The following AHR variants were observed in gnomAD, a reference collection of about 807,000 sequenced individuals.
AHR encodes the protein aryl hydrocarbon receptor.
AHR carries 40 observed loss-of-function variants against 86.8 expected under a neutral mutation model. The ratio of observed to expected loss-of-function variants is 0.46; its 90% CI spans 0.36 to 0.60. The LOEUF (loss-of-function observed/expected upper bound fraction) is 0.60, where lower values mean the gene tolerates loss of function less well. AHR is among the 20% of genes least tolerant of loss of function. AHR has a pLI of 0.00. For synonymous variants in AHR, 398 were observed against 354.9 expected (o/e 1.12, Z -1.37); for missense variants, 1,001 against 1,011.6 (o/e 0.99, Z 0.14).
At chr7:17,337,561 G>A (rs1262137367) in intron 9 of AHR, among the ~76,000 whole-genome samples, 8 of 146,698 alleles carry the variant, frequency 5.5e-5, no homozygotes, top group African/African-American at 1.0e-4. Context: ...TGCAAGCTCC[G>A]CCACCCGGGT....
chr7:17,319,246 A>G (rs776999363), intron 2 of AHR, among the ~76,000 whole-genome samples: 5 of 152,114 alleles, frequency 3.3e-5, no homozygotes, highest in Admixed American at 1.3e-4. Flanking sequence ...CTTGATTGTC[A>G]GTGATTGATT....
intron 1 of AHR, among the ~76,000 whole-genome samples, chr7:17,308,334 C>A (rs970741022): frequency 6.6e-6 from 1 of 152,132 alleles, no homozygotes; most frequent in African/African-American, 2.4e-5. Context: ...ATCTCAGATA[C>A]CACCTTTTCT....
At chr7:17,316,686 C>G (rs1240699543) in intron 2 of AHR, among the ~76,000 whole-genome samples, 1 of 152,086 alleles carries the variant, frequency 6.6e-6, no homozygotes, top group African/African-American at 2.4e-5. Context: ...CTACTGAATT[C>G]TTCATGTATT....
At chr7:17,303,135 C>T (rs944903703) in intron 1 of AHR, among the ~76,000 whole-genome samples, 2 of 152,048 alleles carry the variant, frequency 1.3e-5, no homozygotes, top group Non-Finnish European at 2.9e-5. Flanking sequence ...CTTAATATGA[C>T]AAAAGATGAC....
At chr7:17,338,068 G>A (rs1449384827) in intron 9 of AHR, among the ~76,000 whole-genome samples, 3 of 151,122 alleles carry the variant, frequency 2.0e-5, no homozygotes, top group Admixed American at 6.6e-5. Flanking sequence ...GCGTTGTAGC[G>A]GGCGCCTGTA....
At chr7:17,300,650 AC>A (rs1781946107) in intron 1 of AHR, among the ~76,000 whole-genome samples, 1 of 152,182 alleles carries the variant, frequency 6.6e-6, no homozygotes, top group South Asian at 2.1e-4. Context: ...GCAGTTTTCT[AC>A]CTTGGCAGTT....
intron 9 of AHR, among the ~76,000 whole-genome samples, chr7:17,338,176 G>A (rs1401424546): frequency 6.7e-6 from 1 of 148,906 alleles, no homozygotes; most frequent in Non-Finnish European, 1.5e-5. Context: ...TCCAGCCTGG[G>A]CGACAGAGCG....
At chr7:17,325,240 A>G (rs796872179) in intron 3 of AHR, among the ~76,000 whole-genome samples, 28 of 152,310 alleles carry the variant, frequency 1.8e-4, no homozygotes, top group African/African-American at 6.7e-4. Context: ...ATGTGCATCT[A>G]TCGTTTCTAG....
At chr7:17,329,854 C>A in intron 4 of AHR, 98 bp from the exon 5 acceptor site, 1 of 1,079,350 alleles carries the variant, frequency 9.3e-7, no homozygotes, top group Non-Finnish European at 1.3e-6. Flanking sequence ...TTCATCACCA[C>A]TAGCAAGCAC....
chr7:17,330,821 C>G lies in AHR; in HGVS notation c.640C>G (p.Pro214Ala), dbSNP rs149809382. ...AGACCAGATTCCTCCAGAAAACTCT[C>G]CTTTAATGGAGAGGTGCTTCATATG... ...NPDQIPPENS[P>A]LMERCFICRL... Residue 214 changes from proline to alanine, a missense_variant, in exon 6 of 11, where the codon CCT becomes GCT. Around this residue, in one of 2 missense-constraint regions of AHR, gnomAD observed 394 missense variants for 468.5 expected, o/e 0.84. Coordinates refer to ENST00000242057, the MANE Select transcript of AHR (RefSeq NM_001621.5). 92 of 1,612,446 alleles carry G rather than the reference C, an allele frequency of 5.7e-5. No individual in the cohort carries two copies. In the African/African-American group the frequency reaches 1.2e-3, roughly 21 times the overall value.
intron 2 of AHR, among the ~76,000 whole-genome samples, chr7:17,313,897 C>T (rs1782090904): frequency 6.6e-6 from 1 of 151,984 alleles, no homozygotes; most frequent in African/African-American, 2.4e-5. Context: ...ATTGTTTCCT[C>T]CTATATCATG....
intron 2 of AHR, among the ~76,000 whole-genome samples, chr7:17,319,705 A>C (rs1413397225): frequency 6.6e-6 from 1 of 152,088 alleles, no homozygotes; most frequent in Non-Finnish European, 1.5e-5. Context: ...AGCACAAGCA[A>C]TATATACATG....
intron 9 of AHR, among the ~76,000 whole-genome samples, chr7:17,337,486 T>TG (rs1052449479): frequency 1.3e-5 from 2 of 150,166 alleles, no homozygotes; most frequent in African/African-American, 4.9e-5. Context: ...GTTTTTTTTT[T>TG]TTTTTTGAGA....
chr7:17,299,471 G>A lies in AHR; in HGVS notation c.65+142G>A, dbSNP rs183684394. The A allele has an allele frequency of 6.9e-5, 64 of 929,764 alleles. No individual in the cohort carries two copies. In the East Asian group the frequency reaches 1.7e-3, roughly 25 times the overall value. 57.6% of individuals were successfully genotyped at this position (929,764 alleles called of 1,614,324 possible). ...GCACTGCCCGTGGAATCGAGGTTTG[G>A]AGGCCGGCTGGGAGACAGAGGACTT... On this transcript the variant is annotated intron_variant, in intron 1 of 10. Transcript: ENST00000242057.
At chr7:17,327,168 G>T (rs1006801456) in intron 3 of AHR, among the ~76,000 whole-genome samples, 7 of 151,964 alleles carry the variant, frequency 4.6e-5, no homozygotes, top group African/African-American at 1.2e-4. Flanking sequence ...ATAAATTTAG[G>T]TATGTGTTCA....
chr7:17,304,915 G>A (rs960018997), intron 1 of AHR, among the ~76,000 whole-genome samples: 1 of 152,066 alleles, frequency 6.6e-6, no homozygotes. Flanking sequence ...GAATAAAAAT[G>A]TGTGTTTGCG....
At chr7:17,335,555 A>G (rs1381712950) in intron 8 of AHR, 90 bp from the exon 9 acceptor site, 12 of 1,116,416 alleles carry the variant, frequency 1.1e-5, no homozygotes, top group African/African-American at 1.6e-5. Context: ...AAATACATCC[A>G]GAACTATGTC....
intron 3 of AHR, among the ~76,000 whole-genome samples, chr7:17,323,811 GA>G (rs1782198500): frequency 6.6e-6 from 1 of 152,156 alleles, no homozygotes; most frequent in African/African-American, 2.4e-5. Flanking sequence ...AGCCCCAACT[GA>G]GGATCTTCAT....
intron 7 of AHR, 79 bp downstream of exon 7, chr7:17,334,193 C>T (rs1782331341): frequency 8.0e-7 from 1 of 1,250,498 alleles, no homozygotes; most frequent in Non-Finnish European, 1.2e-6. Flanking sequence ...GTAAAACATA[C>T]AGTGTATGTA....
Sources: gnomAD v4.1 joint callset for allele counts (sites outside exome capture counted in the v4.1 genomes callset) on GRCh38, gnomAD v4.1.1 for gene constraint, gnomAD v4.1.1 regional missense constraint, MANE v1.5 for transcripts, NCBI Gene and HGNC (gene_info 2026-07-23, HGNC 2026-07-21) for gene names.